The following FAF1 variants were observed in gnomAD, a reference collection of about 807,000 sequenced individuals.
The protein encoded by FAF1 is FAS-associated factor 1.
FAF1 carries 25 observed loss-of-function variants against 92.5 expected under a neutral mutation model. The observed-to-expected ratio is 0.27, with a 90% CI of 0.20 to 0.38. The LOEUF is 0.38. Among genes scored for constraint, FAF1 ranks in the 10% least tolerant of loss-of-function variants. The pLI, the probability that FAF1 is intolerant of heterozygous loss-of-function variation, is 1.00. For missense variants in FAF1, 636 were observed against 793.3 expected (o/e 0.80, Z 2.38); for synonymous variants, 234 against 273.2 (o/e 0.86, Z 1.42).
At chr1:50,807,700 A>G (rs1266468594) in intron 2 of FAF1, among the ~76,000 whole-genome samples, 1 of 152,228 alleles carries the variant, frequency 6.6e-6, no homozygotes, top group African/African-American at 2.4e-5. Flanking sequence ...CTCCAAAATA[A>G]TTCAGTCAGA....
chr1:50,664,890 ACAGT>A (rs1336176768), intron 7 of FAF1, among the ~76,000 whole-genome samples: 3 of 152,246 alleles, frequency 2.0e-5, no homozygotes, highest in African/African-American at 4.8e-5. Flanking sequence ...TAGTTTCCTA[ACAGT>A]CAGACAAGAC....
intron 2 of FAF1, among the ~76,000 whole-genome samples, chr1:50,828,378 C>T (rs1048343167): frequency 1.3e-5 from 2 of 151,864 alleles, no homozygotes; most frequent in East Asian, 3.9e-4. Flanking sequence ...ACGCCATTCT[C>T]CTGCCTCAGC....
intron 4 of FAF1, among the ~76,000 whole-genome samples, chr1:50,745,680 C>T (rs976266989): frequency 1.3e-5 from 2 of 152,174 alleles, no homozygotes; most frequent in Non-Finnish European, 2.9e-5. Flanking sequence ...GAAGCAGATG[C>T]TGCCTTGCTT....
intron 2 of FAF1, among the ~76,000 whole-genome samples, chr1:50,842,729 C>A (rs1187219191): frequency 6.6e-6 from 1 of 152,106 alleles, no homozygotes; most frequent in Admixed American, 6.6e-5. Context: ...AATGCTACCC[C>A]ATAAAATAAC....
intron 4 of FAF1, among the ~76,000 whole-genome samples, chr1:50,779,759 T>TA (rs1661094650): frequency 6.6e-6 from 1 of 151,938 alleles, no homozygotes; most frequent in African/African-American, 2.4e-5. Flanking sequence ...TAAGATGTCT[T>TA]ATGGAAACCA....
intron 8 of FAF1, among the ~76,000 whole-genome samples, chr1:50,631,674 T>A (rs1653796218): frequency 6.6e-6 from 1 of 152,190 alleles, no homozygotes; most frequent in Non-Finnish European, 1.5e-5. Context: ...TGAAATTGCA[T>A]TTGAAGGAAA....
intron 4 of FAF1, among the ~76,000 whole-genome samples, chr1:50,757,020 A>G (rs1484168596): frequency 3.3e-5 from 5 of 152,190 alleles, no homozygotes; most frequent in African/African-American, 1.2e-4. Flanking sequence ...TCTTTGACCT[A>G]TGGTTTATTT....
chr1:50,624,075 T>C (rs1408310899), intron 8 of FAF1, among the ~76,000 whole-genome samples: 1 of 152,142 alleles, frequency 6.6e-6, no homozygotes, highest in Non-Finnish European at 1.5e-5. Flanking sequence ...TATGCTAGTG[T>C]TGCCACTAGA....
intron 8 of FAF1, among the ~76,000 whole-genome samples, chr1:50,597,377 T>C (rs1651869791): frequency 6.6e-6 from 1 of 152,040 alleles, no homozygotes; most frequent in Non-Finnish European, 1.5e-5. Context: ...AATTCAATTA[T>C]TTAGTCTTTA....
At chr1:50,786,604 A>G (rs1661373408) in intron 4 of FAF1, among the ~76,000 whole-genome samples, 1 of 152,236 alleles carries the variant, frequency 6.6e-6, no homozygotes, top group Non-Finnish European at 1.5e-5. Flanking sequence ...TTTTAAATAA[A>G]AAACAATCTA....
intron 8 of FAF1, among the ~76,000 whole-genome samples, chr1:50,614,076 AT>A: frequency 6.6e-6 from 1 of 152,156 alleles, no homozygotes; most frequent in East Asian, 1.9e-4. Flanking sequence ...CAGCCTGGCA[AT>A]AGAGTGAGAC....
At chr1:50,759,601 G>T (rs138704662) in intron 4 of FAF1, among the ~76,000 whole-genome samples, 3 of 151,744 alleles carry the variant, frequency 2.0e-5, no homozygotes, top group African/African-American at 4.8e-5. Context: ...GAATAGTGCC[G>T]CAATAAACAT....
chr1:50,917,669 GAA>G, intron 1 of FAF1, among the ~76,000 whole-genome samples: 1 of 148,206 alleles, frequency 6.7e-6, no homozygotes, highest in Admixed American at 6.9e-5. Flanking sequence ...GAAAGGAAAG[GAA>G]AGGAAAGGAA....
intron 13 of FAF1, among the ~76,000 whole-genome samples, chr1:50,554,388 TATAG>T (rs1158534098): frequency 4.8e-4 from 48 of 100,690 alleles, no homozygotes; most frequent in South Asian, 1.7e-3. Flanking sequence ...TATATATATA[TATAG>T]AGAGAGAGAG....
At chr1:50,598,948 C>T (rs1374101458) in intron 8 of FAF1, among the ~76,000 whole-genome samples, 1 of 151,332 alleles carries the variant, frequency 6.6e-6, no homozygotes, top group Non-Finnish European at 1.5e-5. Context: ...CCAACCTGGA[C>T]AACAAGAGTG....
intron 1 of FAF1, among the ~76,000 whole-genome samples, chr1:50,874,760 T>C (rs1644556638): frequency 1.9e-5 from 1 of 52,664 alleles, no homozygotes; most frequent in African/African-American, 1.0e-4. Flanking sequence ...TTTTCTTTCT[T>C]TTTTTTTTTT....
chr1:50,451,538 CAGT>C (rs1238408663), intron 18 of FAF1, among the ~76,000 whole-genome samples: 3 of 152,228 alleles, frequency 2.0e-5, no homozygotes, highest in Non-Finnish European at 4.4e-5. Context: ...TTAACCACCA[CAGT>C]AGATTATTTT....
At chr1:50,528,660 C>T (rs1292766289) in intron 15 of FAF1, among the ~76,000 whole-genome samples, 1 of 152,134 alleles carries the variant, frequency 6.6e-6, no homozygotes, top group Admixed American at 6.6e-5. Context: ...CCACAGTTGA[C>T]CCTTAAACAA....
chr1:50,743,744 T>C (rs1452048417), intron 5 of FAF1, among the ~76,000 whole-genome samples: 7 of 152,196 alleles, frequency 4.6e-5, no homozygotes, highest in Non-Finnish European at 1.0e-4. Context: ...TAACTCATTT[T>C]TTTTCCTTCT....
Sources: allele counts gnomAD v4.1 joint callset (sites outside exome capture counted in the v4.1 genomes callset), GRCh38; gene constraint gnomAD v4.1.1; transcripts MANE v1.5; gene names NCBI Gene and HGNC (gene_info 2026-07-23, HGNC 2026-07-21).